Variants in PSD3 observed in about 807,000 individuals in gnomAD.
The protein encoded by PSD3 is PH and SEC7 domain-containing protein 3.
A neutral mutation model predicts 105.5 loss-of-function variants in PSD3; 49 were observed. The observed-to-expected ratio is 0.46, with a 90% CI of 0.37 to 0.59. The LOEUF is 0.59. Among genes scored for constraint, PSD3 ranks in the 20% least tolerant of loss-of-function variants. The probability of loss-of-function intolerance (pLI) is 0.00; values close to 1 mark genes in which losing one functional copy is unlikely to be tolerated. For missense variants in PSD3, 1,561 were observed against 1,263.8 expected (o/e 1.24, Z -3.57); for synonymous variants, 557 against 457.8 (o/e 1.22, Z -2.77).
intron 2 of PSD3, among the ~76,000 whole-genome samples, chr8:18,934,669 T>C (rs900663022): frequency 1.3e-5 from 2 of 152,190 alleles, no homozygotes; most frequent in Non-Finnish European, 2.9e-5. Context: ...CATAAGTCAC[T>C]ATAATCCCAT....
intron 1 of PSD3, among the ~76,000 whole-genome samples, chr8:19,060,571 C>A (rs1184191317): frequency 6.6e-6 from 1 of 152,116 alleles, no homozygotes; most frequent in East Asian, 1.9e-4. Flanking sequence ...GAGTTCAAGG[C>A]TACAGTGAGC....
At chr8:18,890,498 C>T (rs1378691815) in intron 2 of PSD3, among the ~76,000 whole-genome samples, 1 of 152,092 alleles carries the variant, frequency 6.6e-6, no homozygotes, top group Non-Finnish European at 1.5e-5. Flanking sequence ...ATGATAGTCA[C>T]GCCAGAGCTC....
At chr8:19,055,005 TCTC>T (rs139077041) in intron 1 of PSD3, among the ~76,000 whole-genome samples, 3,793 of 152,252 alleles carry the variant, frequency 0.025, 169 homozygotes, top group African/African-American at 0.087. Flanking sequence ...CACTGTGACT[TCTC>T]CTAGACAATG....
intron 10 of PSD3, among the ~76,000 whole-genome samples, chr8:18,638,751 T>G (rs926160194): frequency 6.6e-6 from 1 of 152,130 alleles, no homozygotes; most frequent in Admixed American, 6.6e-5. Flanking sequence ...CTAAAATTTG[T>G]AGGAAACTAG....
rs543139696 is a variant in PSD3, at chr8:18,655,827, G to A, written c.2173-142C>T. 13 of 702,788 alleles carry A rather than the reference G, an allele frequency of 1.8e-5. No homozygotes were observed. In the East Asian group the frequency reaches 3.5e-4, roughly 19 times the overall value. The allele number at this position is 702,788 out of a possible 1,614,324, so 43.5% of individuals were successfully genotyped here. The stretch of plus-strand genomic sequence containing the variant: ...GTCACCTTGCTTTTAGAAAGGTGAA[G>A]AATACATGGGGAGGCAAATGAGCAT... On this transcript the variant is annotated intron_variant, in intron 9 of 15. Transcript: ENST00000327040.
chr8:18,828,659 G>C (rs150033672), intron 4 of PSD3, among the ~76,000 whole-genome samples: 278 of 151,962 alleles, frequency 1.8e-3, no homozygotes, highest in Admixed American at 3.7e-3. Context: ...TCAATACAAA[G>C]AAATACAAAA....
At chr8:18,793,858 C>A (rs1029143800) in intron 8 of PSD3, among the ~76,000 whole-genome samples, 1 of 152,160 alleles carries the variant, frequency 6.6e-6, no homozygotes, top group Non-Finnish European at 1.5e-5. Context: ...GCAGAGAGTT[C>A]TTGAGGATAT....
intron 8 of PSD3, among the ~76,000 whole-genome samples, chr8:18,769,930 C>G (rs967874064): frequency 6.6e-6 from 1 of 152,124 alleles, no homozygotes; most frequent in Non-Finnish European, 1.5e-5. Context: ...ATAAATAATG[C>G]TGCTATAAAT....
intron 9 of PSD3, among the ~76,000 whole-genome samples, chr8:18,659,261 A>C (rs1563150611): frequency 6.6e-6 from 1 of 152,188 alleles, no homozygotes; most frequent in Non-Finnish European, 1.5e-5. Flanking sequence ...AATGCCATTG[A>C]ATATTCATCA....
intron 9 of PSD3, among the ~76,000 whole-genome samples, chr8:18,679,386 A>G (rs942052005): frequency 6.6e-6 from 1 of 152,256 alleles, no homozygotes; most frequent in Non-Finnish European, 1.5e-5. Context: ...GTTTTTAAAA[A>G]GCAATGGATT....
intron 4 of PSD3, among the ~76,000 whole-genome samples, chr8:18,825,933 C>T (rs1813144859): frequency 6.6e-6 from 1 of 152,158 alleles, no homozygotes. Context: ...GATATCTAGA[C>T]ACCTGGTTAA....
intron 8 of PSD3, among the ~76,000 whole-genome samples, chr8:18,766,050 G>C (rs969933141): frequency 6.6e-6 from 1 of 151,946 alleles, no homozygotes; most frequent in African/African-American, 2.4e-5. Flanking sequence ...TACAGGGCTG[G>C]GCACAGTGGC....
intron 11 of PSD3, among the ~76,000 whole-genome samples, chr8:18,624,045 T>G (rs1461530926): frequency 6.6e-6 from 1 of 152,176 alleles, no homozygotes; most frequent in Admixed American, 6.5e-5. Context: ...TAATGGACAT[T>G]TAAGTTTTTA....
chr8:18,659,457 T>C (rs17695584), intron 9 of PSD3, among the ~76,000 whole-genome samples: 5 of 152,278 alleles, frequency 3.3e-5, no homozygotes, highest in South Asian at 2.1e-4. Context: ...AAATCCCATG[T>C]TAATTAACTT....
chr8:19,023,271 G>A (rs564491896), intron 1 of PSD3, among the ~76,000 whole-genome samples: 3 of 152,046 alleles, frequency 2.0e-5, no homozygotes, highest in Admixed American at 2.0e-4. Context: ...AGTAGACTAC[G>A]TGGCCAGCCA....
intron 1 of PSD3, among the ~76,000 whole-genome samples, chr8:18,967,413 G>C (rs1263717440): frequency 6.6e-6 from 1 of 152,052 alleles, no homozygotes; most frequent in Non-Finnish European, 1.5e-5. Context: ...CAAAGTGCTG[G>C]GATTACAGGC....
At chr8:18,625,180 T>G (rs1290064166) in intron 11 of PSD3, among the ~76,000 whole-genome samples, 1 of 115,736 alleles carries the variant, frequency 8.6e-6, no homozygotes, top group Non-Finnish European at 1.8e-5. Flanking sequence ...AGAACTGAGG[T>G]GGGGAATACA....
At chr8:18,596,909 C>T (rs932568293) in intron 12 of PSD3, among the ~76,000 whole-genome samples, 3 of 152,098 alleles carry the variant, frequency 2.0e-5, no homozygotes, top group African/African-American at 7.2e-5. Context: ...ACAACTAATG[C>T]CAATCATTCT....
chr8:18,972,577 A>G (rs1204425699), intron 1 of PSD3, among the ~76,000 whole-genome samples: 1 of 152,244 alleles, frequency 6.6e-6, no homozygotes, highest in African/African-American at 2.4e-5. Context: ...TTCATACATT[A>G]AAACCCTAAT....
Sources: gnomAD v4.1 joint callset for allele counts (sites outside exome capture counted in the v4.1 genomes callset) on GRCh38, gnomAD v4.1.1 for gene constraint, MANE v1.5 for transcripts, NCBI Gene and HGNC (gene_info 2026-07-23, HGNC 2026-07-21) for gene names.